NPAS2: variants seen among roughly 807,000 people sequenced by gnomAD.
NPAS2 encodes neuronal PAS domain protein 2.
In NPAS2, 23 loss-of-function variants were observed where a neutral mutation model predicts 107.5. The observed-to-expected ratio is 0.21, with a 90% CI of 0.15 to 0.30. NPAS2 has a LOEUF of 0.30. NPAS2 is among the 10% of genes least tolerant of loss of function. NPAS2 has a pLI of 1.00. For missense variants in NPAS2, 756 were observed against 1,043.3 expected (o/e 0.72, Z 3.79); for synonymous variants, 403 against 417.5 (o/e 0.97, Z 0.42).
chr2:100,961,619 A>G (rs1195737184), intron 7 of NPAS2, among the ~76,000 whole-genome samples: 2 of 151,646 alleles, frequency 1.3e-5, no homozygotes, highest in African/African-American at 4.9e-5. Context: ...AAACTGCATT[A>G]TGGGGGCAGC....
intron 7 of NPAS2, among the ~76,000 whole-genome samples, chr2:100,951,306 G>A (rs1259695146): frequency 2.0e-5 from 3 of 152,148 alleles, no homozygotes; most frequent in Non-Finnish European, 4.4e-5. Flanking sequence ...CATAGAACTA[G>A]CATATGATCC....
chr2:100,848,879 A>T (rs1677963550), intron 1 of NPAS2, among the ~76,000 whole-genome samples: 2 of 152,260 alleles, frequency 1.3e-5, no homozygotes, highest in South Asian at 2.1e-4. Flanking sequence ...TGTTTGTCCC[A>T]AATCGCCCTG....
chr2:100,972,377 TAC>T (rs1676637179), intron 12 of NPAS2, among the ~76,000 whole-genome samples: 1 of 152,020 alleles, frequency 6.6e-6, no homozygotes, highest in Non-Finnish European at 1.5e-5. Flanking sequence ...GAGAGGGGAG[TAC>T]CTCTTAGAAC....
At position 100,820,974 on chromosome 2, in the gene NPAS2, C is replaced by T. The variant is rs1441946971; in HGVS notation, c.-23+560C>T. 2.5e-6 allele frequency: 3 copies of T among 1,198,112 alleles called. No individual in the cohort carries two copies. Among genetic ancestry groups the T allele is most frequent in the Non-Finnish European group, 3.3e-6 (3 of 907,376 alleles). The allele number at this position is 1,198,112 out of a possible 1,614,324, so 74.2% of individuals were successfully genotyped here. On this transcript the variant is annotated intron_variant, in intron 1 of 20. Coordinates refer to ENST00000335681, the MANE Select transcript of NPAS2 (RefSeq NM_002518.4). The surrounding 1 kb of genome is among the most constrained non-coding windows in gnomAD (Gnocchi z 5.6). The stretch of plus-strand genomic sequence containing the variant: ...TGTGCGCAGACAGCGTGCAGCCTGG[C>T]TCCTCACGTCGCTGCCGCCCCCCCA...
chr2:100,878,455 G>A, intron 1 of NPAS2: 1 of 985,434 alleles, frequency 1.0e-6, no homozygotes, highest in South Asian at 4.7e-5. Context: ...ACAGCAACAA[G>A]CTGGAGAATA....
intron 12 of NPAS2, among the ~76,000 whole-genome samples, chr2:100,973,330 C>A (rs1198027950): frequency 1.3e-5 from 2 of 152,166 alleles, no homozygotes; most frequent in African/African-American, 4.8e-5. Flanking sequence ...AATGCAGATT[C>A]CCGTGTGTGG....
At chr2:100,821,097 C>T (rs148101823) in intron 1 of NPAS2, 5 of 1,304,514 alleles carry the variant, frequency 3.8e-6, no homozygotes, top group Non-Finnish European at 5.1e-6. Flanking sequence ...TTTGACCTTT[C>T]TGAAGAGCTG....
intron 1 of NPAS2, among the ~76,000 whole-genome samples, chr2:100,859,493 A>T (rs1041291126): frequency 6.6e-6 from 1 of 152,200 alleles, no homozygotes; most frequent in Non-Finnish European, 1.5e-5. Context: ...TCACCTTGTG[A>T]TGGGGAGTTC....
intron 1 of NPAS2, among the ~76,000 whole-genome samples, chr2:100,897,599 C>T (rs760700398): frequency 6.6e-6 from 1 of 152,160 alleles, no homozygotes; most frequent in Non-Finnish European, 1.5e-5. Flanking sequence ...CACTCCCACA[C>T]TCCCTTCAGG....
At chr2:100,911,957 C>CAT (rs1355338930) in intron 2 of NPAS2, among the ~76,000 whole-genome samples, 1 of 152,156 alleles carries the variant, frequency 6.6e-6, no homozygotes, top group Non-Finnish European at 1.5e-5. Context: ...TAGGAATGCT[C>CAT]ATAGATGCTC....
rs777640948 is a variant in NPAS2, at chr2:100,982,347, G to T, written c.1599G>T (p.Gln533His). ...QQEELHKIQE[Q>H]LCLVQDSNVQ... ...AAGAGCTCCACAAGATCCAGGAGCA[G>T]CTCTGCCTGGTCCAGGACTCCAACG... is the stretch of plus-strand genomic sequence containing the variant. The change falls in exon 16 of 21, where the codon CAG becomes CAT. Residue 533 changes from glutamine (Q) to histidine (H), a missense_variant. By Grantham distance (24) the Gln-to-His change is conservative. Transcript: ENST00000335681. 1 of 1,614,148 alleles carries T rather than the reference G, an allele frequency of 6.2e-7. No individual in the cohort carries two copies. The highest frequency in any genetic ancestry group is 1.1e-5 in the South Asian group (1 of 91,080).
chr2:100,841,827 CACAT>C (rs1347453201), intron 1 of NPAS2, among the ~76,000 whole-genome samples: 6 of 152,120 alleles, frequency 3.9e-5, no homozygotes, highest in African/African-American at 7.2e-5. Flanking sequence ...CACAGAAAGA[CACAT>C]ACATATGCAC....
chr2:100,903,599 C>T (rs561545470), intron 1 of NPAS2, among the ~76,000 whole-genome samples: 4 of 152,268 alleles, frequency 2.6e-5, no homozygotes, highest in East Asian at 1.9e-4. Flanking sequence ...GGTGCATTTG[C>T]GAAGTGCTGG....
intron 1 of NPAS2, among the ~76,000 whole-genome samples, chr2:100,841,671 A>G (rs1254746687): frequency 6.6e-6 from 1 of 152,178 alleles, no homozygotes; most frequent in Non-Finnish European, 1.5e-5. Context: ...CCATCTACAC[A>G]CACATACATA....
rs1012140567 is a variant in NPAS2, at chr2:100,888,970, C to T, written c.-22-15763C>T. Among the ~76,000 whole-genome samples the T allele has an allele frequency of 2.6e-5, 4 of 152,204 alleles. No individual in the cohort carries two copies. The East Asian group carries it at 7.7e-4, about 29-fold the overall frequency. On this transcript the variant is annotated intron_variant, in intron 1 of 20. Coordinates refer to ENST00000335681, the MANE Select transcript of NPAS2 (RefSeq NM_002518.4). ...CTCTTTTTAAAAAGAAAAATATGTA[C>T]TTCTCTTTTCTCTTGCAGTTTCCCC... is the stretch of plus-strand genomic sequence containing the variant.
At chr2:100,953,001 T>C (rs1675329534) in intron 7 of NPAS2, among the ~76,000 whole-genome samples, 1 of 152,296 alleles carries the variant, frequency 6.6e-6, no homozygotes, top group African/African-American at 2.4e-5. Flanking sequence ...GTTCCCCATG[T>C]AACTGTGGAG....
At position 100,909,734 on chromosome 2, in the gene NPAS2, TTTG is replaced by T. The variant is rs1443598953; in HGVS notation, c.32+4951_32+4953del. Among the ~76,000 whole-genome samples, 9 of 112,046 alleles carry T rather than the reference TTTG, an allele frequency of 8.0e-5. 1 individual carries two copies. The highest frequency in any genetic ancestry group is 4.2e-3 in the Middle Eastern group (1 of 240). 73.5% of individuals were successfully genotyped at this position (112,046 alleles called of 152,430 possible). ...AGTAAAACATCTCTGAGGCTTCCTC[TTTG>T]TTTTTTTTTTTTTTATGGTTAAGGC... On this transcript the variant is annotated intron_variant, in intron 2 of 20. Coordinates refer to ENST00000335681, the MANE Select transcript of NPAS2 (RefSeq NM_002518.4).
chr2:100,854,161 A>G (rs796293988), intron 1 of NPAS2, among the ~76,000 whole-genome samples: 1 of 135,940 alleles, frequency 7.4e-6, no homozygotes, highest in Non-Finnish European at 1.6e-5. Context: ...GCCTCAACAA[A>G]AAAAAAAAAA....
intron 2 of NPAS2, among the ~76,000 whole-genome samples, chr2:100,911,622 A>T (rs1682552571): frequency 6.6e-6 from 1 of 151,628 alleles, no homozygotes; most frequent in South Asian, 2.1e-4. Flanking sequence ...AGCCTTTCTT[A>T]TACATTTCCA....
Sources: allele counts gnomAD v4.1 joint callset (sites outside exome capture counted in the v4.1 genomes callset), GRCh38; gene constraint gnomAD v4.1.1; non-coding constraint Gnocchi (gnomAD v3.1); transcripts MANE v1.5; gene names NCBI Gene and HGNC (gene_info 2026-07-23, HGNC 2026-07-21).